Variants in MTUS2 observed in about 807,000 individuals in gnomAD.
MTUS2 encodes microtubule-associated tumor suppressor candidate 2.
Under a neutral mutation model 114.1 loss-of-function variants are expected in MTUS2, and 40 were observed. That is an observed-to-expected ratio of 0.35 (90% CI 0.27 to 0.46). MTUS2 has a LOEUF of 0.46. Among genes scored for constraint, MTUS2 ranks in the 20% least tolerant of loss-of-function variants. The pLI is 1.00. For missense variants in MTUS2, 1,679 were observed against 1,705.4 expected (o/e 0.98, Z 0.27); for synonymous variants, 688 against 672.0 (o/e 1.02, Z -0.37).
intron 1 of MTUS2, among the ~76,000 whole-genome samples, chr13:28,826,028 A>G (rs1385688563): frequency 1.3e-5 from 2 of 152,002 alleles, no homozygotes; most frequent in Non-Finnish European, 2.9e-5. Flanking sequence ...TGGGTATTTG[A>G]TACTCCTCTT....
chr13:29,440,237 G>A (rs1257736793), intron 9 of MTUS2, among the ~76,000 whole-genome samples, 188 bp downstream of exon 9: 2 of 152,188 alleles, frequency 1.3e-5, no homozygotes, highest in East Asian at 1.9e-4. Flanking sequence ...TCACGTCTCC[G>A]TTGTTATAAA....
chr13:29,119,723 C>T (rs912846400), intron 5 of MTUS2, among the ~76,000 whole-genome samples: 3 of 152,084 alleles, frequency 2.0e-5, no homozygotes, highest in Non-Finnish European at 2.9e-5. Flanking sequence ...CTTTTTATCC[C>T]ATTCAGGCCC....
intron 5 of MTUS2, among the ~76,000 whole-genome samples, chr13:29,178,432 A>G (rs865898345): frequency 1.8e-4 from 27 of 152,260 alleles, no homozygotes; most frequent in Middle Eastern, 3.4e-3. Context: ...GCAGAACCAG[A>G]GTTAGGAATT....
intron 5 of MTUS2, among the ~76,000 whole-genome samples, chr13:29,202,347 A>G (rs1190067132): frequency 6.6e-6 from 1 of 152,086 alleles, no homozygotes; most frequent in Non-Finnish European, 1.5e-5. Context: ...TATGTTTTTC[A>G]GCTCCATCAG....
At chr13:29,464,575 G>C (rs997576696) in intron 9 of MTUS2, among the ~76,000 whole-genome samples, 1 of 152,216 alleles carries the variant, frequency 6.6e-6, no homozygotes, top group Non-Finnish European at 1.5e-5. Flanking sequence ...TGAGTCCTGA[G>C]TATGGAGACC....
At chr13:29,397,052 G>A (rs1873960999) in intron 8 of MTUS2, among the ~76,000 whole-genome samples, 1 of 152,178 alleles carries the variant, frequency 6.6e-6, no homozygotes, top group Admixed American at 6.5e-5. Flanking sequence ...AGTAAGGGAA[G>A]CAGGATAGGG....
intron 5 of MTUS2, among the ~76,000 whole-genome samples, chr13:29,158,358 C>CCCCT: frequency 6.2e-5 from 2 of 32,046 alleles, no homozygotes; most frequent in Non-Finnish European, 5.1e-5. Context: ...GTCCACCCCG[C>CCCCT]TTTTTTTTTT....
intron 6 of MTUS2, among the ~76,000 whole-genome samples, chr13:29,314,068 A>G (rs1161989088): frequency 6.6e-6 from 1 of 152,284 alleles, no homozygotes; most frequent in Admixed American, 6.5e-5. Context: ...CTACCAAAGT[A>G]AGGAAGCAGA....
At chr13:28,954,167 A>G (rs1295491136) in intron 2 of MTUS2, among the ~76,000 whole-genome samples, 1 of 152,352 alleles carries the variant, frequency 6.6e-6, no homozygotes, top group East Asian at 1.9e-4. Context: ...ATTTTTATCA[A>G]CAATGCAGAT....
At chr13:29,052,595 G>T (rs1355907630) in intron 4 of MTUS2, among the ~76,000 whole-genome samples, 2 of 152,162 alleles carry the variant, frequency 1.3e-5, no homozygotes, top group African/African-American at 2.4e-5. Context: ...CTTACTGCAA[G>T]AAATTTCAGA....
chr13:29,001,831 G>C (rs1885397866), intron 2 of MTUS2, among the ~76,000 whole-genome samples: 1 of 152,196 alleles, frequency 6.6e-6, no homozygotes, highest in East Asian at 1.9e-4. Flanking sequence ...AGGCAGGAGT[G>C]TCAAAGTCAG....
At chr13:28,831,595 C>T (rs866167998) in intron 1 of MTUS2, among the ~76,000 whole-genome samples, 58 of 152,048 alleles carry the variant, frequency 3.8e-4, no homozygotes, top group African/African-American at 1.4e-3. Context: ...CTCAGGAAGT[C>T]AAATATGAGC....
chr13:29,116,195 C>T (rs1301710799), intron 5 of MTUS2, among the ~76,000 whole-genome samples: 1 of 152,112 alleles, frequency 6.6e-6, no homozygotes, highest in Non-Finnish European at 1.5e-5. Context: ...CAAGTCAGAA[C>T]TTTATGAAGA....
chr13:29,108,412 A>C (rs2138853565), intron 5 of MTUS2, among the ~76,000 whole-genome samples: 1 of 152,306 alleles, frequency 6.6e-6, no homozygotes, highest in South Asian at 2.1e-4. Flanking sequence ...TATAAGATAA[A>C]CTGAAGGTTT....
chr13:29,133,550 A>G lies in MTUS2; in HGVS notation c.2644+32580A>G, dbSNP rs530455850. 2.0e-5 allele frequency among the ~76,000 whole-genome samples: 3 copies of G among 152,328 alleles called. No homozygotes were observed. In the South Asian group the frequency reaches 6.2e-4, roughly 32 times the overall value. On this transcript the variant is annotated intron_variant, in intron 5 of 15. Transcript: ENST00000612955. ...TGTATATGATGTTAGGTAAAGGCCC[A>G]ACTTTGTTGTTTCACATGGAAATAT...
At chr13:29,344,956 G>C (rs1442026125) in intron 7 of MTUS2, among the ~76,000 whole-genome samples, 1 of 152,162 alleles carries the variant, frequency 6.6e-6, no homozygotes, top group Non-Finnish European at 1.5e-5. Flanking sequence ...GCTGACAATT[G>C]TTTTGTTTAA....
At position 29,026,868 on chromosome 13, in the gene MTUS2, C is replaced by T. The variant is rs1566305474; in HGVS notation, c.2170C>T (p.Pro724Ser). Residue 724 changes from proline (P) to serine (S), a missense_variant, in exon 3 of 16, where the codon CCT (proline) becomes TCT (serine). Physicochemically the swap from Pro to Ser is moderately conservative, Grantham distance 74. Transcript: ENST00000612955. ...GTCTGGAATCAAGCCCCCGGGACAT[C>T]CTTTCAGTCAAATGAGTGAAAAGTT... is the stretch of plus-strand genomic sequence containing the variant. ...MVSGIKPPGH[P>S]FSQMSEKFLQ... 6.2e-7 allele frequency: 1 copy of T among 1,601,150 alleles called. No homozygotes were observed. The highest frequency in any genetic ancestry group is 1.3e-5 in the African/African-American group (1 of 74,782).
intron 8 of MTUS2, among the ~76,000 whole-genome samples, chr13:29,371,086 A>G (rs1168717525): frequency 2.6e-5 from 4 of 152,180 alleles, no homozygotes; most frequent in Admixed American, 2.0e-4. Context: ...TGTTTCTTCA[A>G]CCTCAAAAAT....
At chr13:28,934,463 AT>A (rs11291737) in intron 2 of MTUS2, among the ~76,000 whole-genome samples, 12,718 of 151,884 alleles carry the variant, frequency 0.084, 588 homozygotes, top group South Asian at 0.13. Context: ...CTTTATTTTT[AT>A]TTTTTTACCT....
Sources: allele counts gnomAD v4.1 joint callset (sites outside exome capture counted in the v4.1 genomes callset), GRCh38; gene constraint gnomAD v4.1.1; transcripts MANE v1.5; gene names NCBI Gene and HGNC (gene_info 2026-07-23, HGNC 2026-07-21).